The following RAB11A variants were observed in gnomAD, a reference collection of about 807,000 sequenced individuals.
The protein encoded by RAB11A is ras-related protein Rab-11A.
Under a neutral mutation model 28.0 loss-of-function variants are expected in RAB11A, and 9 were observed. The ratio of observed to expected loss-of-function variants is 0.32; its 90% confidence interval spans 0.19 to 0.56. RAB11A has a LOEUF of 0.56. RAB11A is among the 20% of genes least tolerant of loss of function. RAB11A has a pLI of 0.91. For missense variants in RAB11A, 108 were observed against 269.6 expected (o/e 0.40, Z 4.20); for synonymous variants, 85 against 88.2 (o/e 0.96, Z 0.20).
chr15:65,885,132 A>G (rs1465540324), intron 4 of RAB11A, among the ~76,000 whole-genome samples: 1 of 133,380 alleles, frequency 7.5e-6, no homozygotes, highest in Non-Finnish European at 1.6e-5. Flanking sequence ...ACATTTATAC[A>G]GTTTTTTTTT....
At chr15:65,885,892 G>A (rs1193813167) in intron 4 of RAB11A, among the ~76,000 whole-genome samples, 2 of 152,240 alleles carry the variant, frequency 1.3e-5, no homozygotes, top group African/African-American at 2.4e-5. Flanking sequence ...AACAGGTTAT[G>A]GGAAGGAGGA....
intron 4 of RAB11A, among the ~76,000 whole-genome samples, chr15:65,887,479 T>G (rs1438003496): frequency 6.6e-6 from 1 of 152,228 alleles, no homozygotes; most frequent in Non-Finnish European, 1.5e-5. Flanking sequence ...CCCTCTGACA[T>G]GGAAAAACCT....
At chr15:65,871,135 T>A (rs2078158303) in intron 1 of RAB11A, among the ~76,000 whole-genome samples, 1 of 152,308 alleles carries the variant, frequency 6.6e-6, no homozygotes, top group African/African-American at 2.4e-5. Flanking sequence ...GTGCTAAGAA[T>A]GATTGACTAA....
intron 4 of RAB11A, among the ~76,000 whole-genome samples, chr15:65,880,661 A>G (rs1466501011): frequency 6.6e-6 from 1 of 152,158 alleles, no homozygotes; most frequent in South Asian, 2.1e-4. Flanking sequence ...ATCTTCTTTT[A>G]CTGTAAAAAT....
At position 65,877,668 on chromosome 15, in the gene RAB11A, A is replaced by G; in HGVS notation, c.237-94A>G. On this transcript the variant is annotated intron_variant, in intron 2 of 4. Transcript: ENST00000261890. The surrounding 1 kb of genome is among the most constrained non-coding windows in gnomAD (Gnocchi z 4.1). ...AATCCTTAGAAATTTATTTATAAGT[A>G]TGTTTTTAAAACTCATGATCCATAT... The G allele has an allele frequency of 1.5e-6, 2 of 1,342,856 alleles. No homozygotes were observed. Among genetic ancestry groups the G allele is most frequent in the Non-Finnish European group, 2.0e-6 (2 of 986,136 alleles). 83.2% of individuals were successfully genotyped at this position (1,342,856 alleles called of 1,614,324 possible).
intron 1 of RAB11A, among the ~76,000 whole-genome samples, chr15:65,874,774 G>A (rs1354876154): frequency 6.6e-6 from 1 of 152,074 alleles, no homozygotes; most frequent in Non-Finnish European, 1.5e-5. Context: ...GGCCGGGCAT[G>A]GTGGCTCATA....
rs59249589 is a variant in RAB11A, at chr15:65,884,758, TAA to T, written c.512-2929_512-2928del. On this transcript the variant is annotated intron_variant, in intron 4 of 4. Coordinates refer to ENST00000261890, the MANE Select transcript of RAB11A (RefSeq NM_004663.5). ...AGTCTCTTGTGGCTGGGTGTGTCAT[TAA>T]AAAAAAAAAAAAACCAAACCAAAAA... 2.6e-3 allele frequency among the ~76,000 whole-genome samples: 314 copies of T among 120,850 alleles called. 1 individual carries two copies. The highest frequency in any genetic ancestry group is 9.1e-3 in the African/African-American group (299 of 32,778). The allele number at this position is 120,850 out of a possible 152,430, so 79.3% of individuals were successfully genotyped here.
chr15:65,887,308 G>T (rs1033439599), intron 4 of RAB11A, among the ~76,000 whole-genome samples: 2 of 151,970 alleles, frequency 1.3e-5, no homozygotes, highest in African/African-American at 2.4e-5. Context: ...CGAGTAGCTG[G>T]GATTACAGGC....
chr15:65,876,620 T>G (rs1212264952), intron 1 of RAB11A, among the ~76,000 whole-genome samples: 1 of 152,178 alleles, frequency 6.6e-6, no homozygotes, highest in East Asian at 1.9e-4. Context: ...TGACTCACAG[T>G]ATGTCAGAAT....
intron 1 of RAB11A, among the ~76,000 whole-genome samples, chr15:65,874,008 G>A (rs1008600332): frequency 6.6e-5 from 10 of 152,160 alleles, no homozygotes; most frequent in East Asian, 1.9e-4. Context: ...ATTCTCTCAC[G>A]TGGTAACTTT....
chr15:65,877,731 T>A lies in RAB11A; in HGVS notation c.237-31T>A. 6.6e-7 allele frequency: 1 copy of A among 1,520,004 alleles called. No homozygotes were observed. Among genetic ancestry groups the A allele is most frequent in the East Asian group, 2.3e-5 (1 of 44,146 alleles). 94.2% of individuals were successfully genotyped at this position (1,520,004 alleles called of 1,614,324 possible). ...CTGGTGTTTGCTTCCATCTTGTGGT[T>A]TTCTGATACTAAATATGTTTCTGTT... is the stretch of plus-strand genomic sequence containing the variant. On this transcript the variant is annotated intron_variant, in intron 2 of 4. Coordinates refer to ENST00000261890, the MANE Select transcript of RAB11A (RefSeq NM_004663.5). This position sits in a 1 kb window ranked among gnomAD's most constrained non-coding sequence, Gnocchi z 4.1.
intron 1 of RAB11A, among the ~76,000 whole-genome samples, chr15:65,874,361 C>A (rs2141101532): frequency 1.3e-5 from 2 of 152,144 alleles, no homozygotes; most frequent in South Asian, 4.1e-4. Flanking sequence ...CCTGCTTCGG[C>A]CTCCTGAGTA....
At chr15:65,875,579 T>C (rs552151537) in intron 1 of RAB11A, among the ~76,000 whole-genome samples, 3 of 152,376 alleles carry the variant, frequency 2.0e-5, no homozygotes, top group Non-Finnish European at 4.4e-5. Flanking sequence ...TGACACCCTC[T>C]AGTTGACTCT....
chr15:65,888,025 T>G lies in RAB11A; in HGVS notation c.*185T>G, dbSNP rs543040939. The G allele has an allele frequency of 9.2e-6, 5 of 542,384 alleles. No individual in the cohort carries two copies. Among genetic ancestry groups the G allele is most frequent in the South Asian group, 4.3e-5 (1 of 23,290 alleles). The allele number at this position is 542,384 out of a possible 1,614,324, so 33.6% of individuals were successfully genotyped here. A position where few individuals can be genotyped will look rare whatever the true frequency, so the allele number is the denominator to read the frequency against. Reference sequence around the variant, plus strand: ...CCACTTGTCCCGAATGACTGCAGCTTTTTTTCATGCTATGGCTTCACTAGC... The same window carrying G: ...CCACTTGTCCCGAATGACTGCAGCTGTTTTTCATGCTATGGCTTCACTAGC... On this transcript the variant is annotated 3_prime_UTR_variant, in exon 5 of 5. Coordinates refer to ENST00000261890, the MANE Select transcript of RAB11A (RefSeq NM_004663.5).
At chr15:65,880,499 T>G (rs1596787963) in intron 4 of RAB11A, among the ~76,000 whole-genome samples, 1 of 152,218 alleles carries the variant, frequency 6.6e-6, no homozygotes, top group East Asian at 1.9e-4. Flanking sequence ...TAAAATGTGG[T>G]CTTAATATAT....
At chr15:65,876,887 A>G (rs2078194481) in intron 1 of RAB11A, among the ~76,000 whole-genome samples, 1 of 152,192 alleles carries the variant, frequency 6.6e-6, no homozygotes, top group South Asian at 2.1e-4. Flanking sequence ...ACCCACTAAC[A>G]GCCTTTGTTG....
At chr15:65,882,865 T>C (rs892059484) in intron 4 of RAB11A, among the ~76,000 whole-genome samples, 17 of 152,350 alleles carry the variant, frequency 1.1e-4, no homozygotes, top group Middle Eastern at 3.4e-3. Context: ...ATTTTAACTT[T>C]GCATTTTGAC....
rs956329786 is a variant in RAB11A, at chr15:65,889,932, A to G, written c.*2092A>G. The stretch of plus-strand genomic sequence containing the variant: ...AGCAGGTGTCTTTATTCTGAGTAGT[A>G]TCTTAGGAGACAAACTGTCTCAAGC... On this transcript the variant is annotated 3_prime_UTR_variant, in exon 5 of 5. Coordinates refer to ENST00000261890, the MANE Select transcript of RAB11A (RefSeq NM_004663.5). 1 of 152,214 alleles carries G rather than the reference A, an allele frequency of 6.6e-6. No homozygotes were observed. Among genetic ancestry groups the G allele is most frequent in the Non-Finnish European group, 1.5e-5 (1 of 68,036 alleles). The allele number at this position is 152,214 out of a possible 1,614,324, so 9.4% of individuals were successfully genotyped here. A position where few individuals can be genotyped will look rare whatever the true frequency, so the allele number is the denominator to read the frequency against.
chr15:65,885,812 T>G (rs2078252789), intron 4 of RAB11A, among the ~76,000 whole-genome samples: 1 of 152,262 alleles, frequency 6.6e-6, no homozygotes, highest in African/African-American at 2.4e-5. Flanking sequence ...GTACACTGGT[T>G]TTCTCTGGGG....
Sources: allele counts gnomAD v4.1 joint callset (sites outside exome capture counted in the v4.1 genomes callset), GRCh38; gene constraint gnomAD v4.1.1; non-coding constraint Gnocchi (gnomAD v3.1); transcripts MANE v1.5; gene names NCBI Gene and HGNC (gene_info 2026-07-23, HGNC 2026-07-21).